PTPRG: variants seen among roughly 807,000 people sequenced by gnomAD.
PTPRG encodes the protein protein tyrosine phosphatase receptor type G.
Under a neutral mutation model 165.3 loss-of-function variants are expected in PTPRG, and 102 were observed. The observed-to-expected ratio is 0.62, with a 90% CI of 0.53 to 0.73. PTPRG has a LOEUF of 0.73. Ranked by LOEUF, PTPRG falls within the 30% of genes least tolerant of loss-of-function variation. PTPRG has a pLI of 0.00. For missense variants in PTPRG, 1,866 were observed against 1,861.4 expected (o/e 1.00, Z -0.05); for synonymous variants, 675 against 669.5 (o/e 1.01, Z -0.13).
chr3:62,258,260 C>T (rs1236392810), intron 16 of PTPRG, among the ~76,000 whole-genome samples: 2 of 152,150 alleles, frequency 1.3e-5, no homozygotes, highest in Non-Finnish European at 2.9e-5. Context: ...GAAAAGTTAA[C>T]AACTGGACAT....
chr3:62,115,810 T>A (rs1245528600), intron 5 of PTPRG, among the ~76,000 whole-genome samples: 1 of 152,048 alleles, frequency 6.6e-6, no homozygotes, highest in Non-Finnish European at 1.5e-5. Flanking sequence ...GTGCTAGGAT[T>A]ACAGGTGTGA....
intron 2 of PTPRG, among the ~76,000 whole-genome samples, chr3:61,844,438 T>C (rs2036745850): frequency 6.6e-6 from 1 of 152,220 alleles, no homozygotes; most frequent in Non-Finnish European, 1.5e-5. Flanking sequence ...ATTTGTGACA[T>C]ACTTATCCTA....
At chr3:61,619,262 G>C (rs770824681) in intron 1 of PTPRG, among the ~76,000 whole-genome samples, 1 of 152,068 alleles carries the variant, frequency 6.6e-6, no homozygotes, top group African/African-American at 2.4e-5. Context: ...TTGACAGTCT[G>C]GGCTTTTAAT....
In PTPRG at chr3:61,561,732, G is replaced by C. The variant is rs1300750641; in HGVS notation, c.-556G>C. 6.6e-6 allele frequency: 1 copy of C among 152,522 alleles called. No individual in the cohort carries two copies. The highest frequency in any genetic ancestry group is 1.5e-5 in the Non-Finnish European group (1 of 68,398). 9.4% of individuals were successfully genotyped at this position (152,522 alleles called of 1,614,324 possible). ...GTGTTTTCCTCCGTTTCCTCCGGCC[G>C]TTTCTATTTTGGGGGGCTCTCCGCT... On this transcript the variant is annotated 5_prime_UTR_variant, in exon 1 of 30. Coordinates refer to ENST00000474889, the MANE Select transcript of PTPRG (RefSeq NM_002841.4).
intron 2 of PTPRG, among the ~76,000 whole-genome samples, chr3:61,864,460 T>C (rs623808): frequency 6.6e-6 from 1 of 151,960 alleles, no homozygotes; most frequent in African/African-American, 2.4e-5. Flanking sequence ...TCTCTCCAAC[T>C]GCAAGCAAAG....
In PTPRG at chr3:62,213,678, A is replaced by G. The variant is rs1165941168; in HGVS notation, c.2156-5173A>G. 6.6e-6 allele frequency among the ~76,000 whole-genome samples: 1 copy of G among 152,130 alleles called. No homozygotes were observed. Among genetic ancestry groups the G allele is most frequent in the Non-Finnish European group, 1.5e-5 (1 of 68,026 alleles). Reference sequence around the variant, plus strand: ...AATTGCCCATCTTGTGGCACGCTGCAGCTGTTGTACCGAAAGGCCTACAGC... The same window carrying G: ...AATTGCCCATCTTGTGGCACGCTGCGGCTGTTGTACCGAAAGGCCTACAGC... On this transcript the variant is annotated intron_variant, in intron 12 of 29. Coordinates refer to ENST00000474889, the MANE Select transcript of PTPRG (RefSeq NM_002841.4). This position sits in a 1 kb window ranked among gnomAD's most constrained non-coding sequence, Gnocchi z 4.4.
intron 4 of PTPRG, among the ~76,000 whole-genome samples, chr3:62,062,011 T>A (rs1365789892): frequency 6.6e-6 from 1 of 150,878 alleles, no homozygotes; most frequent in Non-Finnish European, 1.5e-5. Flanking sequence ...TACAATTTAG[T>A]ATGGGGGGGC....
intron 2 of PTPRG, among the ~76,000 whole-genome samples, chr3:61,831,680 G>C (rs1038538959): frequency 9.2e-5 from 14 of 152,114 alleles, no homozygotes; most frequent in Admixed American, 4.6e-4. Flanking sequence ...GGATGAGTTA[G>C]GAAAATGCCA....
At chr3:61,676,562 A>G (rs541440883) in intron 1 of PTPRG, among the ~76,000 whole-genome samples, 16 of 150,654 alleles carry the variant, frequency 1.1e-4, no homozygotes, top group African/African-American at 3.7e-4. Flanking sequence ...ACACACACAA[A>G]CACACACACA....
At chr3:61,986,328 T>C (rs1420051616) in intron 2 of PTPRG, among the ~76,000 whole-genome samples, 1 of 152,144 alleles carries the variant, frequency 6.6e-6, no homozygotes, top group African/African-American at 2.4e-5. Context: ...TTACCACCAG[T>C]GGGGAAGACA....
chr3:62,003,963 A>G (rs1575875507), intron 4 of PTPRG, among the ~76,000 whole-genome samples: 1 of 152,180 alleles, frequency 6.6e-6, no homozygotes. Flanking sequence ...CTGTGGTGGT[A>G]TGAGTCACTG....
chr3:61,580,289 T>A (rs1700257746), intron 1 of PTPRG, among the ~76,000 whole-genome samples: 1 of 151,694 alleles, frequency 6.6e-6, no homozygotes, highest in African/African-American at 2.4e-5. Context: ...CAAACAAAAT[T>A]AAAAAACAAA....
rs1005463575 is a variant in PTPRG, at chr3:62,245,443, C to G, written c.2467+1545C>G. On this transcript the variant is annotated intron_variant, in intron 15 of 29. Coordinates refer to ENST00000474889, the MANE Select transcript of PTPRG (RefSeq NM_002841.4). The surrounding 1 kb of genome is among the most constrained non-coding windows in gnomAD (Gnocchi z 4.2). ...TGACCTGATTTGTCTGACACAGACT[C>G]AGTTGTTTGGTAGCTGTGTAACTGA... 6.6e-6 allele frequency among the ~76,000 whole-genome samples: 1 copy of G among 152,158 alleles called. No homozygotes were observed. Among genetic ancestry groups the G allele is most frequent in the African/African-American group, 2.4e-5 (1 of 41,436 alleles).
Position 62,273,988 on chromosome 3 carries a change from A to C in PTPRG, c.3465+144A>C. 1.2e-6 allele frequency: 1 copy of C among 804,566 alleles called. No homozygotes were observed. The allele number at this position is 804,566 out of a possible 1,614,324, so 49.8% of individuals were successfully genotyped here. A position where few individuals can be genotyped will look rare whatever the true frequency, so the allele number is the denominator to read the frequency against. ...TCCTTGTACTCCTTAAATGTGATGAAAAAGAAAATACGGTTTTGACCTATG... is the reference window on the plus strand; with the variant it reads ...TCCTTGTACTCCTTAAATGTGATGACAAAGAAAATACGGTTTTGACCTATG... On this transcript the variant is annotated intron_variant, in intron 23 of 29. Transcript: ENST00000474889. This position sits in a 1 kb window ranked among gnomAD's most constrained non-coding sequence, Gnocchi z 4.1.
intron 1 of PTPRG, among the ~76,000 whole-genome samples, chr3:61,677,184 G>T (rs1485543338): frequency 2.0e-5 from 3 of 149,494 alleles, no homozygotes; most frequent in Non-Finnish European, 2.9e-5. Flanking sequence ...GGCAGAGGTT[G>T]CAGTGAGCCC....
chr3:61,726,735 T>A (rs1202562696), intron 1 of PTPRG, among the ~76,000 whole-genome samples: 1 of 152,206 alleles, frequency 6.6e-6, no homozygotes, highest in East Asian at 1.9e-4. Flanking sequence ...TTATGATTTG[T>A]TAAGCTGTTC....
intron 5 of PTPRG, among the ~76,000 whole-genome samples, chr3:62,115,120 G>A (rs146872275): frequency 6.6e-6 from 1 of 152,096 alleles, no homozygotes; most frequent in African/African-American, 2.4e-5. Context: ...TCAGAGCATC[G>A]TCACATGTTT....
At chr3:62,175,416 G>C (rs1036270289) in intron 8 of PTPRG, among the ~76,000 whole-genome samples, 4 of 152,108 alleles carry the variant, frequency 2.6e-5, no homozygotes, top group African/African-American at 9.7e-5. Context: ...AGGAGTTTGA[G>C]GCCATCCTGG....
At chr3:61,690,485 C>G (rs2030128562) in intron 1 of PTPRG, among the ~76,000 whole-genome samples, 1 of 152,306 alleles carries the variant, frequency 6.6e-6, no homozygotes, top group African/African-American at 2.4e-5. Context: ...CTGATACATG[C>G]AAAGTGGAGG....
Sources: allele counts gnomAD v4.1 joint callset (sites outside exome capture counted in the v4.1 genomes callset), GRCh38; gene constraint gnomAD v4.1.1; non-coding constraint Gnocchi (gnomAD v3.1); transcripts MANE v1.5; gene names NCBI Gene and HGNC (gene_info 2026-07-23, HGNC 2026-07-21).